TFEC: variants seen among roughly 807,000 people sequenced by gnomAD.
The protein encoded by TFEC is class E basic helix-loop-helix protein 34.
TFEC carries 31 observed loss-of-function variants against 41.6 expected under a neutral mutation model. The observed-to-expected ratio is 0.74, with a 90% CI of 0.56 to 1.01. TFEC has a LOEUF of 1.01. Ranked by LOEUF, TFEC falls within the 50% of genes least tolerant of loss-of-function variation. TFEC has a pLI of 0.00. For missense variants in TFEC, 402 were observed against 404.1 expected, an observed-to-expected ratio of 0.99 and a Z score of 0.04; for synonymous variants, 143 against 140.6, an observed-to-expected ratio of 1.02 and a Z score of -0.12.
intron 3 of TFEC, among the ~76,000 whole-genome samples, chr7:116,040,387 G>A (rs985301771): frequency 6.6e-6 from 1 of 152,066 alleles, no homozygotes; most frequent in African/African-American, 2.4e-5. Context: ...CTATTAACAA[G>A]TTTTTTATCT....
intron 1 of TFEC, among the ~76,000 whole-genome samples, chr7:115,996,123 G>A (rs1183877857): frequency 6.6e-6 from 1 of 152,140 alleles, no homozygotes; most frequent in Non-Finnish European, 1.5e-5. Context: ...GAGTGCTTGT[G>A]CCACCTATCC....
rs1050094637 is a variant in TFEC, at chr7:115,976,859, C to T, written c.181-2603G>A. Among the ~76,000 whole-genome samples, 5 of 152,140 alleles carry T rather than the reference C, an allele frequency of 3.3e-5. No individual in the cohort carries two copies. In the East Asian group the frequency reaches 7.7e-4, roughly 23 times the overall value. The stretch of plus-strand genomic sequence containing the variant: ...CATCTATTTTCTCTCTGGAAGCTTA[C>T]GTCATAAATGACACGGTCTGTTTAA... On this transcript the variant is annotated intron_variant, in intron 2 of 7. Coordinates refer to ENST00000265440, the MANE Select transcript of TFEC (RefSeq NM_012252.4).
chr7:116,031,441 T>TA (rs919663483), upstream of TFEC, among the ~76,000 whole-genome samples: 1 of 152,162 alleles, frequency 6.6e-6, no homozygotes, highest in Non-Finnish European at 1.5e-5. Flanking sequence ...ACCAATGTGA[T>TA]AAAAGAGGTC....
At chr7:115,981,103 A>G (rs560732667) in intron 2 of TFEC, among the ~76,000 whole-genome samples, 4 of 152,152 alleles carry the variant, frequency 2.6e-5, no homozygotes, top group African/African-American at 9.6e-5. Flanking sequence ...AAGTTCCCAG[A>G]TCTGCATTTA....
intron 3 of TFEC, among the ~76,000 whole-genome samples, chr7:116,094,085 T>C (rs1797392352): frequency 6.6e-6 from 1 of 152,116 alleles, no homozygotes; most frequent in African/African-American, 2.4e-5. Flanking sequence ...CTGAAACAGA[T>C]TGGACACCAA....
At chr7:115,974,671 T>C (rs1793303112) in intron 2 of TFEC, among the ~76,000 whole-genome samples, 1 of 151,226 alleles carries the variant, frequency 6.6e-6, no homozygotes, top group Non-Finnish European at 1.5e-5. Context: ...GATTACTTTC[T>C]ACAAACTTTA....
chr7:116,147,807 A>C (rs1410501008), intron 1 of TFEC, among the ~76,000 whole-genome samples: 1 of 152,150 alleles, frequency 6.6e-6, no homozygotes, highest in Non-Finnish European at 1.5e-5. Context: ...TCATTCAATC[A>C]TTCACTCCAT....
chr7:115,989,352 T>C (rs1794001107), intron 1 of TFEC, among the ~76,000 whole-genome samples: 2 of 152,288 alleles, frequency 1.3e-5, no homozygotes, highest in Non-Finnish European at 2.9e-5. Flanking sequence ...GACAGGTGAT[T>C]TCTGCATTTC....
intron 1 of TFEC, among the ~76,000 whole-genome samples, chr7:115,998,543 A>G (rs899684951): frequency 6.6e-6 from 1 of 151,912 alleles, no homozygotes; most frequent in Non-Finnish European, 1.5e-5. Flanking sequence ...GGCTGAATGG[A>G]TAAGTAAAAA....
chr7:115,968,627 G>A (rs966167040), intron 3 of TFEC, among the ~76,000 whole-genome samples: 10 of 151,920 alleles, frequency 6.6e-5, no homozygotes, highest in African/African-American at 2.4e-4. Context: ...ATAATACACA[G>A]ATCTAAACTC....
intron 1 of TFEC, among the ~76,000 whole-genome samples, chr7:115,993,896 A>G (rs1057184381): frequency 6.6e-6 from 1 of 152,252 alleles, no homozygotes; most frequent in African/African-American, 2.4e-5. Context: ...CCACACTGCC[A>G]AGAAAATCCT....
chr7:116,142,723 CAG>C (rs1290659568), intron 1 of TFEC, among the ~76,000 whole-genome samples: 2 of 152,162 alleles, frequency 1.3e-5, no homozygotes, highest in Non-Finnish European at 2.9e-5. Flanking sequence ...GAGATGCAGA[CAG>C]AGGAAGGATT....
At chr7:115,969,000 T>C (rs964277053) in intron 3 of TFEC, among the ~76,000 whole-genome samples, 42 of 152,018 alleles carry the variant, frequency 2.8e-4, no homozygotes, top group African/African-American at 9.9e-4. Flanking sequence ...CAATGCATGG[T>C]AGCTATTATT....
chr7:116,050,107 G>T (rs1015892008), intron 3 of TFEC, among the ~76,000 whole-genome samples: 1 of 152,112 alleles, frequency 6.6e-6, no homozygotes, highest in Non-Finnish European at 1.5e-5. Context: ...AAAGCCAGCA[G>T]AAGGCAAGAA....
chr7:116,000,727 G>C (rs1034193252), intron 1 of TFEC, among the ~76,000 whole-genome samples: 5 of 151,634 alleles, frequency 3.3e-5, no homozygotes, highest in African/African-American at 1.2e-4. Context: ...AAAATACCTA[G>C]GAATTAACTT....
chr7:116,108,179 C>A (rs986260588), intron 3 of TFEC, among the ~76,000 whole-genome samples: 1 of 152,026 alleles, frequency 6.6e-6, no homozygotes, highest in Non-Finnish European at 1.5e-5. Flanking sequence ...TTTTAAGACG[C>A]AAAGGTATTT....
chr7:116,114,227 C>T (rs988056259), intron 1 of TFEC, among the ~76,000 whole-genome samples: 3 of 151,768 alleles, frequency 2.0e-5, no homozygotes, highest in African/African-American at 4.8e-5. Flanking sequence ...CCCACTTCAG[C>T]GAAAAACACA....
chr7:116,154,581 A>C (rs557154362), intron 1 of TFEC, among the ~76,000 whole-genome samples: 6 of 152,322 alleles, frequency 3.9e-5, no homozygotes, highest in African/African-American at 1.4e-4. Context: ...TGATCCATGG[A>C]AATTACAGAC....
intron 3 of TFEC, among the ~76,000 whole-genome samples, chr7:116,097,345 T>C (rs962211314): frequency 3.9e-5 from 6 of 152,270 alleles, no homozygotes; most frequent in South Asian, 2.1e-4. Context: ...TTCTCCTATA[T>C]AGACATGTCT....
Sources: allele counts gnomAD v4.1 joint callset (sites outside exome capture counted in the v4.1 genomes callset), GRCh38; gene constraint gnomAD v4.1.1; transcripts MANE v1.5; gene names NCBI Gene and HGNC (gene_info 2026-07-23, HGNC 2026-07-21).